Variants in KEL observed in about 807,000 individuals in gnomAD.
The protein encoded by KEL is kell blood group glycoprotein.
In KEL, 96 loss-of-function variants were observed where a neutral mutation model predicts 99.5. That is an observed-to-expected ratio of 0.97 (90% confidence interval 0.82 to 1.14). KEL has a LOEUF of 1.14. Among genes scored for constraint, KEL ranks in the 50% most tolerant of loss-of-function variants. The probability of loss-of-function intolerance (pLI) is 0.00; values close to 1 mark genes in which losing one functional copy is unlikely to be tolerated. For missense variants in KEL, 926 were observed against 924.2 expected, an observed-to-expected ratio of 1.00 and a Z score of -0.03; for synonymous variants, 355 against 354.8, an observed-to-expected ratio of 1.00 and a Z score of -0.01.
chr7:142,950,762 T>G (rs532099444), intron 10 of KEL, among the ~76,000 whole-genome samples: 1 of 152,356 alleles, frequency 6.6e-6, no homozygotes, highest in South Asian at 2.1e-4. Context: ...TATGTTGCCC[T>G]TTATAAAAAA....
intron 13 of KEL, 30 bp from the exon 14 acceptor site, chr7:142,943,913 A>C: frequency 6.4e-7 from 1 of 1,572,888 alleles, no homozygotes; most frequent in Non-Finnish European, 8.7e-7. Context: ...TGACTTGGGC[A>C]CACAGAGACT....
chr7:142,942,573 G>T, intron 17 of KEL, 44 bp from the exon 18 acceptor site: 2 of 1,421,202 alleles, frequency 1.4e-6, no homozygotes, highest in Non-Finnish European at 9.8e-7. Context: ...CTCTAGACCT[G>T]TGGCCATTTG....
chr7:142,960,037 C>T (rs543655137), intron 4 of KEL, among the ~76,000 whole-genome samples: 35 of 152,278 alleles, frequency 2.3e-4, no homozygotes, highest in African/African-American at 4.8e-4. Flanking sequence ...CTTCCTGGGA[C>T]GCACTTCCAA....
chr7:142,958,455 CT>C, intron 4 of KEL, 27 bp from the exon 5 acceptor site: 1 of 1,612,064 alleles, frequency 6.2e-7, no homozygotes, highest in South Asian at 1.1e-5. Context: ...GGAGTGAGGA[CT>C]AAACTCTGAT....
At chr7:142,947,144 T>C (rs1381439263) in intron 10 of KEL, among the ~76,000 whole-genome samples, 1 of 152,122 alleles carries the variant, frequency 6.6e-6, no homozygotes, top group Non-Finnish European at 1.5e-5. Context: ...ACACGGTAAA[T>C]GGAGACACAC....
chr7:142,958,186 G>T, intron 5 of KEL, 118 bp downstream of exon 5: 1 of 1,470,292 alleles, frequency 6.8e-7, no homozygotes, highest in Non-Finnish European at 9.5e-7. Context: ...CTCCCTCCTA[G>T]AAATTGGGGG....
Position 142,953,895 on chromosome 7 carries a change from A to G in KEL, c.986T>C (p.Leu329Pro), listed in dbSNP as rs61729057. Residue 329 changes from leucine to proline, a missense_variant, in exon 9 of 19, where the codon CTG becomes CCG. Coordinates refer to ENST00000355265, the MANE Select transcript of KEL (RefSeq NM_000420.3). ...GACCACGAGGGACTGAGAAGGGCTC[A>G]GGGACATCGGTGTGAATGTCGCTTG... ...CLQATFTPMS[L>P]SPSQSLVVHD... 5 of 1,614,232 alleles carry G rather than the reference A, an allele frequency of 3.1e-6. No individual in the cohort carries two copies. Among genetic ancestry groups the G allele is most frequent in the Non-Finnish European group, 4.2e-6 (5 of 1,180,038 alleles).
At position 142,961,386 on chromosome 7, in the gene KEL, A is replaced by C. The variant is rs555647000; in HGVS notation, c.197T>G (p.Phe66Cys). ...GLLLCFSVLL[F>C]YNFQNCGPRP... ...AGGGCCACAGTTCTGGAAGTTGTAG[A>C]ACAAAAGCACAGAAAAACAAAGGAG... Residue 66 changes from phenylalanine to cysteine, a missense_variant, in exon 3 of 19, where the codon TTC (phenylalanine) becomes TGC (cysteine). Coordinates refer to ENST00000355265, the MANE Select transcript of KEL (RefSeq NM_000420.3). 1.2e-6 allele frequency: 2 copies of C among 1,613,566 alleles called. No homozygotes were observed. Among genetic ancestry groups the C allele is most frequent in the South Asian group, 2.2e-5 (2 of 91,058 alleles).
intron 9 of KEL, chr7:142,953,387 T>C: frequency 1.0e-6 from 1 of 984,938 alleles, no homozygotes; most frequent in Non-Finnish European, 1.2e-6. Context: ...GCCTTCACCA[T>C]GTTCATCTCC....
intron 17 of KEL, 27 bp from the exon 18 acceptor site, chr7:142,942,556 C>A: frequency 6.5e-7 from 1 of 1,534,180 alleles, no homozygotes; most frequent in East Asian, 2.3e-5. Context: ...AGAGAAGGGC[C>A]ATCAGGCTCT....
At chr7:142,952,375 A>T in intron 10 of KEL, 134 bp downstream of exon 10, 1 of 1,198,710 alleles carries the variant, frequency 8.3e-7, no homozygotes, top group Non-Finnish European at 1.2e-6. Context: ...GCCTGCTTCT[A>T]TGGAAAGCCA....
intron 9 of KEL, 45 bp downstream of exon 9, chr7:142,953,747 ATCTACGGTGCTCAGGC>A: frequency 6.3e-7 from 1 of 1,596,898 alleles, no homozygotes; most frequent in Non-Finnish European, 8.6e-7. Context: ...TGCCCCCAAG[ATCTACGGTGCTCAGGC>A]TCTCCTCCAT....
Position 142,941,390 on chromosome 7 carries a change from G to A in KEL, c.2061C>T (p.Pro687=). The stretch of plus-strand genomic sequence containing the variant: ...GGCTGTGAGTGTCGTGAGAGTCCTG[G>A]GGGCTGGGCTTCCTACACATCACCT... ...YAQVMCRKPS[P]QDSHDTHSPP... Residue 687 remains proline (P), a synonymous_variant, in exon 19 of 19, where the codon CCC becomes CCT. Coordinates refer to ENST00000355265, the MANE Select transcript of KEL (RefSeq NM_000420.3). The A allele has an allele frequency of 1.2e-6, 2 of 1,605,954 alleles. No homozygotes were observed. The highest frequency in any genetic ancestry group is 2.2e-5 in the South Asian group (2 of 90,746).
rs180891705 is a variant in KEL at position 142,943,631 on chromosome 7, C to T, written c.1593-35G>A. 86 of 1,488,214 alleles carry T rather than the reference C, an allele frequency of 5.8e-5. No homozygotes were observed. The Middle Eastern group carries it at 7.1e-4, about 12-fold the overall frequency. 92.2% of individuals were successfully genotyped at this position (1,488,214 alleles called of 1,614,324 possible). On this transcript the variant is annotated intron_variant, in intron 14 of 18. Coordinates refer to ENST00000355265, the MANE Select transcript of KEL (RefSeq NM_000420.3). ...GAGGACATGTGAACTCCAGCCCCCA[C>T]CACGTATTGCCCTGCCACCCTGAGA...
chr7:142,949,420 A>C (rs549621899), intron 10 of KEL, among the ~76,000 whole-genome samples: 3 of 152,330 alleles, frequency 2.0e-5, no homozygotes, highest in African/African-American at 7.2e-5. Context: ...TCCTACTAAG[A>C]ATCCTAACTA....
rs8176045 is a variant in KEL, at chr7:142,942,197, G to C, written c.2037+237C>G. 3,779 of 579,234 alleles carry C rather than the reference G, an allele frequency of 6.5e-3. 89 individuals carry two copies. Among genetic ancestry groups the C allele is most frequent in the African/African-American group, 0.063 (3,381 of 53,646 alleles). The allele number at this position is 579,234 out of a possible 1,614,324, so 35.9% of individuals were successfully genotyped here. Reference sequence around the variant, plus strand: ...CCTCTCCTGGAGGAACTTGGGAATAGAGTTTTTTCTACCTTTTGAGTTGTG... The same window carrying C: ...CCTCTCCTGGAGGAACTTGGGAATACAGTTTTTTCTACCTTTTGAGTTGTG... On this transcript the variant is annotated intron_variant, in intron 18 of 18. Coordinates refer to ENST00000355265, the MANE Select transcript of KEL (RefSeq NM_000420.3).
intron 2 of KEL, 39 bp from the exon 3 acceptor site, chr7:142,961,540 G>A (rs772285491): frequency 3.2e-6 from 5 of 1,569,856 alleles, no homozygotes; most frequent in Middle Eastern, 1.7e-4. Context: ...ACAAGATGGG[G>A]GTTGAGAGAC....
At chr7:142,944,969 A>G (rs1796484887) in intron 11 of KEL, 1 of 605,872 alleles carries the variant, frequency 1.7e-6, no homozygotes, top group African/African-American at 1.8e-5. Context: ...CGTGAGGGCC[A>G]TCAGGGAGAT....
Position 142,958,311 on chromosome 7 carries a change from A to G in KEL, c.518T>C (p.Ile173Thr). ...AAGTGPLRQVIEELGGWRISG... is the reference protein window; with the variant it reads ...AAGTGPLRQVTEELGGWRISG... Reference sequence around the variant, plus strand: ...TATCCCAACTTTTCTCACCTCCTCAATAACTTGTCTGAGGGGACCAGTCCC... The same window carrying G: ...TATCCCAACTTTTCTCACCTCCTCAGTAACTTGTCTGAGGGGACCAGTCCC... The change falls in exon 5 of 19, where the codon ATT (isoleucine) becomes ACT (threonine). Residue 173 changes from isoleucine (I) to threonine (T), a missense_variant. Coordinates refer to ENST00000355265, the MANE Select transcript of KEL (RefSeq NM_000420.3). 6.2e-7 allele frequency: 1 copy of G among 1,614,122 alleles called. No homozygotes were observed. Among genetic ancestry groups the G allele is most frequent in the African/African-American group, 1.3e-5 (1 of 75,036 alleles).
Sources: gnomAD v4.1 joint callset for allele counts (sites outside exome capture counted in the v4.1 genomes callset) on GRCh38, gnomAD v4.1.1 for gene constraint, MANE v1.5 for transcripts, NCBI Gene and HGNC (gene_info 2026-07-23, HGNC 2026-07-21) for gene names.